TFB1M: variants seen among roughly 807,000 people sequenced by gnomAD.
TFB1M encodes the protein transcription factor B1, mitochondrial, also known as dimethyladenosine transferase 1, mitochondrial.
In TFB1M, 27 loss-of-function variants were observed where a neutral mutation model predicts 31.1. The ratio of observed to expected loss-of-function variants is 0.87; its 90% confidence interval spans 0.64 to 1.20. The LOEUF is 1.20. Among genes scored for constraint, TFB1M ranks in the 50% most tolerant of loss-of-function variants. TFB1M has a pLI of 0.00. For synonymous variants in TFB1M, 166 were observed against 151.8 expected (o/e 1.09, Z -0.69); for missense variants, 394 against 418.7 (o/e 0.94, Z 0.51).
rs1776573742 is a variant in TFB1M, at chr6:155,285,235, A to C, written c.589T>G (p.Ser197Ala). The C allele has an allele frequency of 6.2e-7, 1 of 1,613,966 alleles. No individual in the cohort carries two copies. The highest frequency in any genetic ancestry group is 8.5e-7 in the Non-Finnish European group (1 of 1,179,922). The change falls in exon 5 of 7, where the codon TCT becomes GCT. Residue 197 changes from serine to alanine, a missense_variant. By Grantham distance (99) the Ser-to-Ala change is moderately conservative (BLOSUM62 1). Coordinates refer to ENST00000367166, the MANE Select transcript of TFB1M (RefSeq NM_016020.4). ...NTGSKQRSRL[S>A]VMAQYLCNVR... Reference sequence around the variant, plus strand: ...TTGCAGAGGTACTGAGCCATAACAGAGAGGCGACTACGCTGTTTGCTTCCT... The same window carrying C: ...TTGCAGAGGTACTGAGCCATAACAGCGAGGCGACTACGCTGTTTGCTTCCT...
chr6:155,271,256 T>C (rs1784901802), intron 5 of TFB1M, among the ~76,000 whole-genome samples: 1 of 152,156 alleles, frequency 6.6e-6, no homozygotes, highest in South Asian at 2.1e-4. Flanking sequence ...TAAAACTTAC[T>C]GAGGAAGAAA....
rs1323903467 is a variant in TFB1M at position 155,257,990 on chromosome 6, G to A, written c.887C>T (p.Ser296Phe). ...IDPTLRPRQL[S>F]ISHFKSLCDV... Reference sequence around the variant, plus strand: ...ACAGAGGCTCTTAAAGTGTGAGATGGAGAGCTGGCGGGGCCGAAGAGTAGG... The same window carrying A: ...ACAGAGGCTCTTAAAGTGTGAGATGAAGAGCTGGCGGGGCCGAAGAGTAGG... Residue 296 changes from serine (S) to phenylalanine (F), a missense_variant, in exon 7 of 7, where the codon TCC becomes TTC. Ser to Phe is a radical substitution (Grantham distance 155). This residue lies in a region of TFB1M where 115 missense variants were observed against 144.1 expected (regional missense o/e 0.80). Coordinates refer to ENST00000367166, the MANE Select transcript of TFB1M (RefSeq NM_016020.4). 1 of 1,614,212 alleles carries A rather than the reference G, an allele frequency of 6.2e-7. No individual in the cohort carries two copies. The highest frequency in any genetic ancestry group is 8.5e-7 in the Non-Finnish European group (1 of 1,180,050).
chr6:155,267,659 G>A (rs745457461), intron 5 of TFB1M, among the ~76,000 whole-genome samples: 7 of 152,114 alleles, frequency 4.6e-5, no homozygotes, highest in South Asian at 2.1e-4. Flanking sequence ...CAGCAGCTAG[G>A]CTTATAGAAA....
downstream of TFB1M, chr6:155,255,366 T>TGGGAG (rs1783934135): frequency 6.6e-6 from 1 of 152,224 alleles, no homozygotes; most frequent in Non-Finnish European, 1.5e-5. Flanking sequence ...TTCTAAAATT[T>TGGGAG]CAGCTTAAGT....
the TFB1M span, among the ~76,000 whole-genome samples, chr6:155,248,883 A>C: frequency 2.0e-5 from 3 of 152,220 alleles, no homozygotes; most frequent in African/African-American, 7.2e-5. Context: ...GAGGCTTATT[A>C]ACACTTTAGT....
At chr6:155,266,555 G>A (rs1784640275) in intron 5 of TFB1M, among the ~76,000 whole-genome samples, 1 of 152,108 alleles carries the variant, frequency 6.6e-6, no homozygotes, top group Non-Finnish European at 1.5e-5. Context: ...AGTTAAGAAT[G>A]ACCAAATGAG....
intron 4 of TFB1M, among the ~76,000 whole-genome samples, chr6:155,293,555 T>C (rs1430694100): frequency 6.6e-6 from 1 of 152,194 alleles, no homozygotes; most frequent in Non-Finnish European, 1.5e-5. Context: ...TCAAGATAAG[T>C]TCTTTGAGGA....
chr6:155,238,015 G>A, the TFB1M span, among the ~76,000 whole-genome samples: 1 of 152,204 alleles, frequency 6.6e-6, no homozygotes, highest in Non-Finnish European at 1.5e-5. Flanking sequence ...GCATTGTCAG[G>A]CTACAAATTT....
At chr6:155,244,163 T>C in the TFB1M span, 711 of 1,288,068 alleles carry the variant, frequency 5.5e-4, 2 homozygotes, top group African/African-American at 8.7e-3. Context: ...TGAGAGTATC[T>C]CTGTTGATCC....
chr6:155,257,665 T>C lies in TFB1M; in HGVS notation c.*171A>G. 1.4e-6 allele frequency: 1 copy of C among 700,710 alleles called. No homozygotes were observed. Among genetic ancestry groups the C allele is most frequent in the Non-Finnish European group, 2.4e-6 (1 of 422,440 alleles). The allele number at this position is 700,710 out of a possible 1,614,324, so 43.4% of individuals were successfully genotyped here. ...ATTAAAAGAAAGCTTGTACTGTATC[T>C]TATTTGATGATATTTATTTTCTCTG... On this transcript the variant is annotated 3_prime_UTR_variant, in exon 7 of 7. Transcript: ENST00000367166.
the TFB1M span, among the ~76,000 whole-genome samples, chr6:155,231,841 G>A: frequency 1.3e-5 from 2 of 152,242 alleles, no homozygotes; most frequent in African/African-American, 2.4e-5. Flanking sequence ...TTGGGAGGAC[G>A]TGGCAGGTGG....
downstream of TFB1M, chr6:155,255,409 G>C (rs1211562286): frequency 6.6e-6 from 1 of 151,958 alleles, no homozygotes; most frequent in Non-Finnish European, 1.5e-5. Flanking sequence ...TAACTATTTT[G>C]TTATTATCTT....
At chr6:155,245,227 G>A in the TFB1M span, among the ~76,000 whole-genome samples, 2 of 152,342 alleles carry the variant, frequency 1.3e-5, no homozygotes, top group South Asian at 2.1e-4. Flanking sequence ...CGTGTAAGCC[G>A]CAGTGTGGCA....
At chr6:155,272,730 G>T (rs1784993233) in intron 5 of TFB1M, among the ~76,000 whole-genome samples, 1 of 151,992 alleles carries the variant, frequency 6.6e-6, no homozygotes, top group South Asian at 2.1e-4. Context: ...AGAAAAAAAA[G>T]CATTTGAATC....
chr6:155,314,129 C>T (rs1427391719), intron 1 of TFB1M, 167 bp downstream of exon 1: 4 of 1,494,904 alleles, frequency 2.7e-6, no homozygotes, highest in Non-Finnish European at 2.7e-6. Flanking sequence ...CACGTGTCTC[C>T]TGGGCGGTGG....
chr6:155,274,990 G>GGGT (rs2047641727), intron 5 of TFB1M, among the ~76,000 whole-genome samples: 1 of 152,106 alleles, frequency 6.6e-6, no homozygotes, highest in African/African-American at 2.4e-5. Context: ...AGGCCGAGGT[G>GGGT]GGCGGATCAC....
chr6:155,270,844 T>C (rs545949989), intron 5 of TFB1M, among the ~76,000 whole-genome samples: 58 of 152,354 alleles, frequency 3.8e-4, no homozygotes, highest in African/African-American at 1.3e-3. Flanking sequence ...CTGCGACTAT[T>C]AGTGTCTGCA....
chr6:155,291,702 A>G (rs1776933123), intron 4 of TFB1M, among the ~76,000 whole-genome samples: 1 of 152,156 alleles, frequency 6.6e-6, no homozygotes, highest in Non-Finnish European at 1.5e-5. Flanking sequence ...CTAACCTTCT[A>G]TCCACTAGAG....
chr6:155,240,806 TGCCA>T, the TFB1M span: 7 of 1,304,464 alleles, frequency 5.4e-6, no homozygotes, highest in East Asian at 7.2e-5. Context: ...CCAGGACACC[TGCCA>T]CTCCCCAGGG....
Sources: gnomAD v4.1 joint callset for allele counts (sites outside exome capture counted in the v4.1 genomes callset) on GRCh38, gnomAD v4.1.1 for gene constraint, gnomAD v4.1.1 regional missense constraint, MANE v1.5 for transcripts, NCBI Gene and HGNC (gene_info 2026-07-23, HGNC 2026-07-21) for gene names.